Variants in ARL6IP6 observed in about 807,000 individuals in gnomAD.
ARL6IP6 encodes ARF like GTPase 6 interacting protein 6.
ARL6IP6 carries 22 observed loss-of-function variants against 21.5 expected under a neutral mutation model. That is an observed-to-expected ratio of 1.02 (90% CI 0.73 to 1.46). ARL6IP6 has a LOEUF of 1.46. ARL6IP6 is among the 40% of genes most tolerant of loss of function. The probability of loss-of-function intolerance (pLI) is 0.00; values close to 1 mark genes in which losing one functional copy is unlikely to be tolerated. For missense variants in ARL6IP6, 388 were observed against 299.8 expected (o/e 1.29, Z -2.17); for synonymous variants, 164 against 125.3 (o/e 1.31, Z -2.06).
intron 3 of ARL6IP6, among the ~76,000 whole-genome samples, chr2:152,744,726 A>T (rs1700970253): frequency 6.6e-6 from 1 of 152,108 alleles, no homozygotes; most frequent in African/African-American, 2.4e-5. Flanking sequence ...TCTTCTTCCA[A>T]CCACAAATAA....
chr2:152,759,627 T>C (rs1289231178), intron 3 of ARL6IP6, 120 bp from the exon 4 acceptor site: 11 of 717,390 alleles, frequency 1.5e-5, no homozygotes, highest in Non-Finnish European at 2.6e-5. Context: ...TTTGTATTCA[T>C]ATGTGAACAT....
At chr2:152,740,588 T>C (rs1011816979) in intron 3 of ARL6IP6, among the ~76,000 whole-genome samples, 8 of 151,990 alleles carry the variant, frequency 5.3e-5, no homozygotes, top group Non-Finnish European at 1.0e-4. Flanking sequence ...TGTATATATA[T>C]TTGTGTATGT....
chr2:152,729,549 G>A (rs1180717541), intron 2 of ARL6IP6, among the ~76,000 whole-genome samples: 3 of 152,054 alleles, frequency 2.0e-5, no homozygotes, highest in African/African-American at 7.3e-5. Context: ...AGCATTGTTT[G>A]TAATAGAGAA....
chr2:152,751,816 G>A (rs192629301), intron 3 of ARL6IP6, among the ~76,000 whole-genome samples: 2 of 152,028 alleles, frequency 1.3e-5, no homozygotes, highest in African/African-American at 4.8e-5. Flanking sequence ...TGACTATTGT[G>A]AATGGTGCTG....
chr2:152,743,003 A>T (rs1700888816), intron 3 of ARL6IP6, among the ~76,000 whole-genome samples: 2 of 152,230 alleles, frequency 1.3e-5, no homozygotes, highest in African/African-American at 4.8e-5. Context: ...AATAGGAGGA[A>T]TTTCACTAAT....
chr2:152,723,577 CTCTT>C (rs1449352987), intron 2 of ARL6IP6, among the ~76,000 whole-genome samples: 4 of 152,174 alleles, frequency 2.6e-5, no homozygotes, highest in Non-Finnish European at 5.9e-5. Context: ...TGAAAGAGTT[CTCTT>C]TCTTTTTCTA....
intron 3 of ARL6IP6, 149 bp downstream of exon 3, chr2:152,735,275 T>C: frequency 1.4e-6 from 1 of 723,274 alleles, no homozygotes; most frequent in Non-Finnish European, 2.2e-6. Context: ...GCTTGTAGGC[T>C]CAGCCTTTAG....
chr2:152,735,203 G>A (rs1700498280), intron 3 of ARL6IP6, 77 bp downstream of exon 3: 1 of 1,516,562 alleles, frequency 6.6e-7, no homozygotes, highest in Non-Finnish European at 9.1e-7. Context: ...AGAAGCAAGA[G>A]GCTGATCGTG....
At chr2:152,737,167 C>G (rs1370852890) in intron 3 of ARL6IP6, among the ~76,000 whole-genome samples, 5 of 152,188 alleles carry the variant, frequency 3.3e-5, no homozygotes, top group African/African-American at 1.2e-4. Flanking sequence ...ATATTGTAGT[C>G]ACATACCAGA....
chr2:152,735,704 G>T (rs1700519113), intron 3 of ARL6IP6, among the ~76,000 whole-genome samples: 1 of 152,128 alleles, frequency 6.6e-6, no homozygotes. Flanking sequence ...TGCCAGGAAA[G>T]TTCCAATTTT....
At chr2:152,719,136 G>C (rs1333298387) in intron 1 of ARL6IP6, 112 bp downstream of exon 1, 6 of 1,258,026 alleles carry the variant, frequency 4.8e-6, no homozygotes, top group Non-Finnish European at 6.3e-6. Context: ...GCTGGCAGCT[G>C]CTTTCACCCA....
At chr2:152,737,464 T>C (rs1194245679) in intron 3 of ARL6IP6, among the ~76,000 whole-genome samples, 1 of 152,176 alleles carries the variant, frequency 6.6e-6, no homozygotes, top group Non-Finnish European at 1.5e-5. Flanking sequence ...TTCCATGTAT[T>C]TATTAATGTA....
intron 2 of ARL6IP6, among the ~76,000 whole-genome samples, chr2:152,724,631 A>G (rs916452318): frequency 6.6e-6 from 1 of 152,208 alleles, no homozygotes; most frequent in African/African-American, 2.4e-5. Flanking sequence ...TTGAGTTGAC[A>G]TTGTGTGGTA....
chr2:152,755,044 T>C (rs183488576), intron 3 of ARL6IP6, among the ~76,000 whole-genome samples: 2 of 152,194 alleles, frequency 1.3e-5, no homozygotes, highest in Admixed American at 6.5e-5. Context: ...ATTCCAATAT[T>C]ATAATAATCC....
intron 3 of ARL6IP6, among the ~76,000 whole-genome samples, chr2:152,744,699 T>C (rs1170823317): frequency 3.3e-5 from 5 of 152,144 alleles, no homozygotes; most frequent in African/African-American, 1.2e-4. Flanking sequence ...CTATGAATTA[T>C]CCATCTTTCC....
chr2:152,727,233 A>G (rs1228698554), intron 2 of ARL6IP6, among the ~76,000 whole-genome samples: 1 of 152,242 alleles, frequency 6.6e-6, no homozygotes, highest in Non-Finnish European at 1.5e-5. Flanking sequence ...CTTAGATTTC[A>G]ACAAAGAAGT....
chr2:152,750,407 C>T (rs1365812010), intron 3 of ARL6IP6, among the ~76,000 whole-genome samples: 1 of 147,272 alleles, frequency 6.8e-6, no homozygotes, highest in Admixed American at 6.9e-5. Flanking sequence ...ACCTGAAAGG[C>T]GGAGGTTGCA....
chr2:152,741,001 A>G (rs1472771202), intron 3 of ARL6IP6, among the ~76,000 whole-genome samples: 2 of 152,152 alleles, frequency 1.3e-5, no homozygotes, highest in Admixed American at 6.5e-5. Context: ...CATTTTGAGA[A>G]AGTTGAAATC....
At chr2:152,745,676 T>C (rs2105160368) in intron 3 of ARL6IP6, among the ~76,000 whole-genome samples, 1 of 152,356 alleles carries the variant, frequency 6.6e-6, no homozygotes, top group South Asian at 2.1e-4. Flanking sequence ...AGATGGCTAA[T>C]TGCAGTAGGA....
Sources: gnomAD v4.1 joint callset for allele counts (sites outside exome capture counted in the v4.1 genomes callset) on GRCh38, gnomAD v4.1.1 for gene constraint, MANE v1.5 for transcripts, NCBI Gene and HGNC (gene_info 2026-07-23, HGNC 2026-07-21) for gene names.